KIAA0825: variants seen among roughly 807,000 people sequenced by gnomAD.
KIAA0825 encodes the protein KIAA0825, also known as uncharacterized protein KIAA0825.
In KIAA0825, 119 loss-of-function variants were observed where a neutral mutation model predicts 147.6. The ratio of observed to expected loss-of-function variants is 0.81; its 90% CI spans 0.69 to 0.94. The LOEUF is 0.94. KIAA0825 is among the 40% of genes least tolerant of loss of function. The probability of loss-of-function intolerance (pLI) is 0.00; values close to 1 mark genes in which losing one functional copy is unlikely to be tolerated. For synonymous variants in KIAA0825, 470 were observed against 518.1 expected (o/e 0.91, Z 1.26); for missense variants, 1,381 against 1,472.7 (o/e 0.94, Z 1.02).
intron 3 of KIAA0825, among the ~76,000 whole-genome samples, chr5:94,532,185 T>C (rs914212311): frequency 7.2e-5 from 11 of 152,194 alleles, no homozygotes; most frequent in African/African-American, 2.7e-4. Flanking sequence ...TCTCACATTG[T>C]TGCCCAGGCG....
At chr5:94,598,387 G>A (rs1202284569) in intron 1 of KIAA0825, among the ~76,000 whole-genome samples, 2 of 151,940 alleles carry the variant, frequency 1.3e-5, no homozygotes, top group African/African-American at 2.4e-5. Flanking sequence ...GTTTTCATGG[G>A]CAATAACAAG....
intron 13 of KIAA0825, among the ~76,000 whole-genome samples, chr5:94,448,661 T>G (rs1758019895): frequency 6.6e-6 from 1 of 152,168 alleles, no homozygotes; most frequent in South Asian, 2.1e-4. Flanking sequence ...ATATATTTTT[T>G]GTTTGTCATC....
chr5:94,477,988 T>A (rs1225678531), intron 6 of KIAA0825, among the ~76,000 whole-genome samples: 1 of 152,218 alleles, frequency 6.6e-6, no homozygotes, highest in Non-Finnish European at 1.5e-5. Flanking sequence ...AATTCTATGT[T>A]ATGATCTAAC....
chr5:94,166,954 A>G (rs1041849251), intron 20 of KIAA0825, among the ~76,000 whole-genome samples: 1 of 152,188 alleles, frequency 6.6e-6, no homozygotes, highest in African/African-American at 2.4e-5. Flanking sequence ...ACTATCCTGT[A>G]TTTGAGAATA....
chr5:94,500,572 T>C (rs1235178339), intron 5 of KIAA0825, among the ~76,000 whole-genome samples: 1 of 151,844 alleles, frequency 6.6e-6, no homozygotes, highest in East Asian at 1.9e-4. Flanking sequence ...GGAGTTCTGG[T>C]TTATCCATGC....
chr5:94,168,070 A>G (rs779237888), intron 20 of KIAA0825, among the ~76,000 whole-genome samples: 4 of 150,328 alleles, frequency 2.7e-5, no homozygotes, highest in Non-Finnish European at 5.9e-5. Context: ...TAAATATAAT[A>G]GATATAAACA....
intron 5 of KIAA0825, among the ~76,000 whole-genome samples, chr5:94,506,636 T>C (rs938467348): frequency 5.3e-5 from 8 of 152,212 alleles, no homozygotes; most frequent in African/African-American, 1.9e-4. Flanking sequence ...CAATGGCAGG[T>C]TCTGATCTGG....
chr5:94,485,934 AC>A (rs1763003814), intron 5 of KIAA0825, among the ~76,000 whole-genome samples: 1 of 151,838 alleles, frequency 6.6e-6, no homozygotes, highest in Non-Finnish European at 1.5e-5. Flanking sequence ...GAACAATACA[AC>A]TTAAAGGTTG....
intron 14 of KIAA0825, among the ~76,000 whole-genome samples, chr5:94,421,529 T>A (rs1754186695): frequency 6.6e-6 from 1 of 152,224 alleles, no homozygotes. Context: ...ATTTATTCCT[T>A]CTCTGAATTG....
At chr5:94,420,350 C>A (rs1754020496) in intron 14 of KIAA0825, among the ~76,000 whole-genome samples, 1 of 152,054 alleles carries the variant, frequency 6.6e-6, no homozygotes, top group South Asian at 2.1e-4. Context: ...TTACTTGTCC[C>A]AAGGTCACAA....
intron 2 of KIAA0825, among the ~76,000 whole-genome samples, chr5:94,572,429 A>G (rs1278529217): frequency 6.6e-6 from 1 of 152,238 alleles, no homozygotes; most frequent in South Asian, 2.1e-4. Flanking sequence ...GCCACATGTT[A>G]AAGTATGAGC....
chr5:94,458,410 G>A (rs891956331), intron 12 of KIAA0825, among the ~76,000 whole-genome samples: 2 of 152,170 alleles, frequency 1.3e-5, no homozygotes, highest in African/African-American at 4.8e-5. Flanking sequence ...CATCTGTGAA[G>A]AGCAATTGTG....
intron 20 of KIAA0825, among the ~76,000 whole-genome samples, chr5:94,342,369 A>G (rs1782512167): frequency 6.6e-6 from 1 of 152,232 alleles, no homozygotes; most frequent in South Asian, 2.1e-4. Flanking sequence ...TTACTGCAGA[A>G]TATACACCAA....
chr5:94,583,095 C>A (rs1782535718), intron 1 of KIAA0825, among the ~76,000 whole-genome samples: 1 of 152,166 alleles, frequency 6.6e-6, no homozygotes, highest in Non-Finnish European at 1.5e-5. Flanking sequence ...CTACAGCTCC[C>A]AGCGAGATCG....
chr5:94,162,236 T>C (rs960909098), intron 20 of KIAA0825, among the ~76,000 whole-genome samples: 1 of 152,174 alleles, frequency 6.6e-6, no homozygotes, highest in Non-Finnish European at 1.5e-5. Flanking sequence ...CTGGAATAGA[T>C]GGTTACTTTT....
intron 3 of KIAA0825, among the ~76,000 whole-genome samples, chr5:94,524,847 A>G (rs934463066): frequency 1.4e-4 from 21 of 151,894 alleles, no homozygotes; most frequent in African/African-American, 5.1e-4. Context: ...AATGTCCAGT[A>G]GAATCTTGCC....
chr5:94,372,031 T>A (rs1386166854), intron 20 of KIAA0825, among the ~76,000 whole-genome samples: 4 of 152,182 alleles, frequency 2.6e-5, no homozygotes, highest in African/African-American at 7.2e-5. Flanking sequence ...CAAACTCCAA[T>A]AGGAAAGTTA....
chr5:94,494,537 T>G (rs1192938298), intron 5 of KIAA0825, among the ~76,000 whole-genome samples: 1 of 152,146 alleles, frequency 6.6e-6, no homozygotes, highest in Non-Finnish European at 1.5e-5. Flanking sequence ...TACTTAGATA[T>G]GCTTAGATAT....
chr5:94,236,868 A>AT (rs1775070131), intron 20 of KIAA0825, among the ~76,000 whole-genome samples: 1 of 152,200 alleles, frequency 6.6e-6, no homozygotes, highest in Non-Finnish European at 1.5e-5. Flanking sequence ...AAGTATGTAC[A>AT]TTGTTTTTTA....
Sources: allele counts gnomAD v4.1 joint callset (sites outside exome capture counted in the v4.1 genomes callset), GRCh38; gene constraint gnomAD v4.1.1; transcripts MANE v1.5; gene names NCBI Gene and HGNC (gene_info 2026-07-23, HGNC 2026-07-21).